The following PRKG1 variants were observed in gnomAD, a reference collection of about 807,000 sequenced individuals.
PRKG1 encodes cGMP-dependent protein kinase 1.
A neutral mutation model predicts 88.1 loss-of-function variants in PRKG1; 35 were observed. The ratio of observed to expected loss-of-function variants is 0.40; its 90% CI spans 0.30 to 0.53. PRKG1 has a LOEUF of 0.53. Ranked by LOEUF, PRKG1 falls within the 20% of genes least tolerant of loss-of-function variation. PRKG1 has a pLI of 0.59. For synonymous variants in PRKG1, 303 were observed against 292.5 expected (o/e 1.04, Z -0.37); for missense variants, 540 against 839.8 (o/e 0.64, Z 4.41).
chr10:51,688,138 C>T (rs1200749117), intron 3 of PRKG1, among the ~76,000 whole-genome samples: 2 of 151,954 alleles, frequency 1.3e-5, no homozygotes, highest in Non-Finnish European at 2.9e-5. Flanking sequence ...TCATTGTTTT[C>T]ACTTTCTTGT....
chr10:51,415,354 A>C (rs902306101), intron 2 of PRKG1, among the ~76,000 whole-genome samples: 1 of 152,190 alleles, frequency 6.6e-6, no homozygotes, highest in Non-Finnish European at 1.5e-5. Context: ...TCATCTGCTT[A>C]ATTCTTGTTA....
At position 50,991,797 on chromosome 10, in the gene PRKG1, G is replaced by A. The variant is rs1842786006; in HGVS notation, c.266+153G>A. On this transcript the variant is annotated intron_variant, in intron 1 of 17. Transcript: ENST00000401604. The surrounding 1 kb of genome is among the most constrained non-coding windows in gnomAD (Gnocchi z 4.5). ...GGGTGGCCCCGCGGCCCGGGAATGG[G>A]AAGTGTTTATTTTTATTTCTGCCCA... Among the ~76,000 whole-genome samples the A allele has an allele frequency of 6.6e-6, 1 of 151,820 alleles. No individual in the cohort carries two copies. Among genetic ancestry groups the A allele is most frequent in the Admixed American group, 6.6e-5 (1 of 15,236 alleles).
At chr10:51,796,940 G>C (rs1243731229) in intron 3 of PRKG1, among the ~76,000 whole-genome samples, 1 of 151,222 alleles carries the variant, frequency 6.6e-6, no homozygotes, top group African/African-American at 2.4e-5. Flanking sequence ...TCTTGACTAA[G>C]ATTGACTAAT....
At chr10:51,898,306 G>A (rs1841900880) in intron 4 of PRKG1, among the ~76,000 whole-genome samples, 1 of 151,866 alleles carries the variant, frequency 6.6e-6, no homozygotes, top group African/African-American at 2.4e-5. Flanking sequence ...AAATTCTGTA[G>A]CCATTATCTA....
chr10:52,027,297 T>C (rs1410817052), intron 5 of PRKG1, among the ~76,000 whole-genome samples: 1 of 151,998 alleles, frequency 6.6e-6, no homozygotes, highest in Non-Finnish European at 1.5e-5. Flanking sequence ...GTTCAGAGGG[T>C]CGTGATATGT....
At chr10:52,220,413 T>TTATATATA (rs150890362) in intron 9 of PRKG1, among the ~76,000 whole-genome samples, 35 of 151,048 alleles carry the variant, frequency 2.3e-4, no homozygotes, top group Middle Eastern at 3.4e-3. Flanking sequence ...ATGACATCTT[T>TTATATATA]TATATATATA....
intron 2 of PRKG1, among the ~76,000 whole-genome samples, chr10:51,444,594 C>G (rs865926455): frequency 1.3e-5 from 2 of 151,804 alleles, no homozygotes; most frequent in Non-Finnish European, 2.9e-5. Context: ...TAAAAGGCAG[C>G]ATCTTGAATA....
chr10:51,806,583 T>G (rs1839313464), intron 4 of PRKG1, among the ~76,000 whole-genome samples: 1 of 152,202 alleles, frequency 6.6e-6, no homozygotes, highest in African/African-American at 2.4e-5. Context: ...AAGTTCACAT[T>G]GTTTGTGAAC....
At chr10:51,535,165 T>C (rs531110909) in intron 3 of PRKG1, among the ~76,000 whole-genome samples, 86 of 152,324 alleles carry the variant, frequency 5.6e-4, no homozygotes, top group African/African-American at 2.0e-3. Context: ...GGTAAGTCAG[T>C]ATACTGATAC....
rs574298050 is a variant in PRKG1, at chr10:51,922,020, C to T, written c.762+14450C>T. ...TACTTAAATATTTGGTAGAATTTACCTGTGAATCTATTAGGGCCTAGTGCC... is the reference window on the plus strand; with the variant it reads ...TACTTAAATATTTGGTAGAATTTACTTGTGAATCTATTAGGGCCTAGTGCC... On this transcript the variant is annotated intron_variant, in intron 5 of 17. Coordinates refer to ENST00000373980, the MANE Select transcript of PRKG1 (RefSeq NM_006258.4). 4.6e-5 allele frequency among the ~76,000 whole-genome samples: 7 copies of T among 151,644 alleles called. No homozygotes were observed. The South Asian group carries it at 8.3e-4, about 18-fold the overall frequency.
At chr10:51,846,558 G>A (rs1218088908) in intron 4 of PRKG1, among the ~76,000 whole-genome samples, 2 of 152,094 alleles carry the variant, frequency 1.3e-5, no homozygotes, top group African/African-American at 4.8e-5. Context: ...GCTTCTAATT[G>A]CCTTTTTCTG....
intron 4 of PRKG1, among the ~76,000 whole-genome samples, chr10:51,863,736 C>T (rs906216966): frequency 4.6e-5 from 7 of 152,148 alleles, no homozygotes; most frequent in Non-Finnish European, 1.0e-4. Flanking sequence ...TAATTCTCAA[C>T]CTCCAGAATT....
chr10:51,848,633 CTGTGTGTGTGTGTG>C (rs35222566), intron 4 of PRKG1, among the ~76,000 whole-genome samples: 15,418 of 145,172 alleles, frequency 0.11, 1,391 homozygotes, highest in African/African-American at 0.25. Context: ...GTGTCTGTAT[CTGTGTGTGTGTGTG>C]TGTGTGTGTG....
intron 3 of PRKG1, among the ~76,000 whole-genome samples, chr10:51,693,277 G>C (rs1841191216): frequency 8.9e-6 from 1 of 112,936 alleles, no homozygotes; most frequent in Non-Finnish European, 1.7e-5. Context: ...AGCAAAGTGA[G>C]ACACCACCTC....
In PRKG1 at chr10:51,711,480, A is replaced by C. The variant is rs749275111; in HGVS notation, c.593-93105A>C. ...TCTATAATTGTTGCCCACTATGTCC[A>C]TTACTTTCTGACCTCCTTCTTTTAC... On this transcript the variant is annotated intron_variant, in intron 3 of 17. Coordinates refer to ENST00000373980, the MANE Select transcript of PRKG1 (RefSeq NM_006258.4). 1.0e-3 allele frequency among the ~76,000 whole-genome samples: 154 copies of C among 152,152 alleles called. 2 individuals are homozygous for C. In the Middle Eastern group the frequency reaches 0.017, roughly 17 times the overall value.
At chr10:51,437,971 T>C (rs539055213) in intron 2 of PRKG1, among the ~76,000 whole-genome samples, 1 of 151,622 alleles carries the variant, frequency 6.6e-6, no homozygotes, top group Non-Finnish European at 1.5e-5. Context: ...TTGCTCTAGA[T>C]TAAAAACATT....
intron 2 of PRKG1, among the ~76,000 whole-genome samples, chr10:51,194,743 G>A (rs1904681): frequency 0.035 from 5,289 of 152,122 alleles, 301 homozygotes; most frequent in African/African-American, 0.12. Flanking sequence ...ATTGACTCAC[G>A]GTTCTAGAGG....
intron 3 of PRKG1, among the ~76,000 whole-genome samples, chr10:51,773,054 A>T (rs1838345600): frequency 1.3e-5 from 2 of 152,114 alleles, no homozygotes; most frequent in East Asian, 1.9e-4. Context: ...TATTTAATAC[A>T]TAACTCAGTG....
At chr10:51,920,129 G>A (rs2132978117) in intron 5 of PRKG1, among the ~76,000 whole-genome samples, 1 of 152,256 alleles carries the variant, frequency 6.6e-6, no homozygotes, top group South Asian at 2.1e-4. Context: ...TTGCTGGTAG[G>A]AGATTGTCAA....
Sources: allele counts gnomAD v4.1 joint callset (sites outside exome capture counted in the v4.1 genomes callset), GRCh38; gene constraint gnomAD v4.1.1; non-coding constraint Gnocchi (gnomAD v3.1); transcripts MANE v1.5; gene names NCBI Gene and HGNC (gene_info 2026-07-23, HGNC 2026-07-21).